TOX: variants seen among roughly 807,000 people sequenced by gnomAD.
TOX encodes the protein thymocyte selection associated high mobility group box, also known as thymocyte selection-associated high mobility group box protein TOX.
TOX carries 11 observed loss-of-function variants against 53.7 expected under a neutral mutation model. That is an observed-to-expected ratio of 0.20 (90% CI 0.13 to 0.34). The LOEUF (loss-of-function observed/expected upper bound fraction) is 0.34. Ranked by LOEUF, TOX falls within the 10% of genes least tolerant of loss-of-function variation. The pLI, the probability that TOX is intolerant of heterozygous loss-of-function variation, is 1.00. For synonymous variants in TOX, 225 were observed against 245.3 expected (o/e 0.92, Z 0.77); for missense variants, 570 against 664.6 (o/e 0.86, Z 1.56).
intron 5 of TOX, among the ~76,000 whole-genome samples, chr8:58,834,315 G>A (rs1379586008): frequency 1.3e-5 from 2 of 152,114 alleles, no homozygotes; most frequent in African/African-American, 2.4e-5. Context: ...GCCTTCCACC[G>A]GAACCAGCTG....
At chr8:59,009,104 T>C (rs950469568) in intron 1 of TOX, among the ~76,000 whole-genome samples, 1 of 151,862 alleles carries the variant, frequency 6.6e-6, no homozygotes, top group Non-Finnish European at 1.5e-5. Flanking sequence ...CCTCCCTTTC[T>C]TTCTCCATCC....
intron 1 of TOX, among the ~76,000 whole-genome samples, chr8:59,101,631 A>G (rs369978190): frequency 6.6e-6 from 1 of 152,368 alleles, no homozygotes; most frequent in East Asian, 1.9e-4. Flanking sequence ...CAAAATCTAA[A>G]ACGCTTATTT....
chr8:58,849,644 G>A (rs955154352), intron 4 of TOX, among the ~76,000 whole-genome samples: 14 of 152,142 alleles, frequency 9.2e-5, no homozygotes, highest in Admixed American at 7.9e-4. Context: ...AAATGTTATT[G>A]TAATTAGGAA....
chr8:58,883,670 G>A (rs1483263343), intron 3 of TOX, among the ~76,000 whole-genome samples: 1 of 151,404 alleles, frequency 6.6e-6, no homozygotes, highest in Non-Finnish European at 1.5e-5. Flanking sequence ...ACTTTATCTG[G>A]GTAAGTGGAC....
chr8:59,043,201 CTGTG>C (rs10660376), intron 1 of TOX, among the ~76,000 whole-genome samples: 1 of 147,902 alleles, frequency 6.8e-6, no homozygotes, highest in Non-Finnish European at 1.5e-5. Flanking sequence ...ACTTTCTTTT[CTGTG>C]TGTGTGTGTG....
chr8:58,980,888 T>C (rs1813193616), intron 1 of TOX, among the ~76,000 whole-genome samples: 1 of 152,168 alleles, frequency 6.6e-6, no homozygotes, highest in Non-Finnish European at 1.5e-5. Flanking sequence ...AGAGCATCAT[T>C]CCACTGCCAT....
At chr8:58,922,629 A>G (rs1344931018) in intron 3 of TOX, among the ~76,000 whole-genome samples, 7 of 152,208 alleles carry the variant, frequency 4.6e-5, no homozygotes, top group Non-Finnish European at 1.0e-4. Context: ...TCTCTTCTAG[A>G]TGTGTGGAAC....
In TOX at chr8:58,861,094, C is replaced by T. The variant is rs549378467; in HGVS notation, c.412-9289G>A. Among the ~76,000 whole-genome samples, 11 of 152,274 alleles carry T rather than the reference C, an allele frequency of 7.2e-5. No homozygotes were observed. In the South Asian group the frequency reaches 1.7e-3, roughly 23 times the overall value. On this transcript the variant is annotated intron_variant, in intron 3 of 8. Transcript: ENST00000361421. ...GTCAATATTACCAAGTTTGACACAC[C>T]GTGCTTCAGTGAGCCCTTGAAAGGG...
At chr8:58,955,615 C>CT (rs1812696850) in intron 2 of TOX, among the ~76,000 whole-genome samples, 3 of 151,992 alleles carry the variant, frequency 2.0e-5, no homozygotes, top group Admixed American at 2.0e-4. Context: ...ACCAGTCCTT[C>CT]TTTATCTTTT....
chr8:58,953,714 T>C (rs1480825224), intron 2 of TOX, among the ~76,000 whole-genome samples: 1 of 152,242 alleles, frequency 6.6e-6, no homozygotes, highest in Non-Finnish European at 1.5e-5. Context: ...TTTATCATTC[T>C]ATTGGGTCAA....
intron 1 of TOX, among the ~76,000 whole-genome samples, chr8:59,106,954 G>A (rs1005492647): frequency 1.2e-4 from 17 of 146,100 alleles, no homozygotes; most frequent in African/African-American, 4.1e-4. Context: ...TACAAGATAT[G>A]TAAAAAATCC....
At chr8:59,026,778 C>T (rs1379933650) in intron 1 of TOX, among the ~76,000 whole-genome samples, 2 of 151,608 alleles carry the variant, frequency 1.3e-5, no homozygotes, top group East Asian at 3.9e-4. Flanking sequence ...CAGTATTTAA[C>T]AAATGACAAT....
chr8:59,095,776 C>T (rs1186718993), intron 1 of TOX, among the ~76,000 whole-genome samples: 2 of 152,184 alleles, frequency 1.3e-5, no homozygotes, highest in Non-Finnish European at 2.9e-5. Context: ...GTTTGCATTT[C>T]TGTGGCAGTT....
Position 58,807,679 on chromosome 8 carries a change from G to A in TOX, c.*68C>T, listed in dbSNP as rs185734970. On this transcript the variant is annotated 3_prime_UTR_variant, in exon 9 of 9. Coordinates refer to ENST00000361421, the MANE Select transcript of TOX (RefSeq NM_014729.3). Reference sequence around the variant, plus strand: ...AATAAAATGGAGAACTGCCTTGACTGTACAAAGCAATCCATGGTGAAAACA... The same window carrying A: ...AATAAAATGGAGAACTGCCTTGACTATACAAAGCAATCCATGGTGAAAACA... 29 of 1,577,264 alleles carry A rather than the reference G, an allele frequency of 1.8e-5. No individual in the cohort carries two copies. In the African/African-American group the frequency reaches 2.0e-4, roughly 11 times the overall value.
intron 1 of TOX, among the ~76,000 whole-genome samples, chr8:59,091,435 T>C (rs1489415671): frequency 6.6e-6 from 1 of 152,112 alleles, no homozygotes; most frequent in Non-Finnish European, 1.5e-5. Flanking sequence ...GGTCTCTTCC[T>C]CTATTCACCC....
chr8:59,084,197 AT>A (rs1394798198), intron 1 of TOX, among the ~76,000 whole-genome samples: 1 of 152,140 alleles, frequency 6.6e-6, no homozygotes, highest in Non-Finnish European at 1.5e-5. Context: ...GCTTTCAGGT[AT>A]TTTTTACTTG....
intron 1 of TOX, among the ~76,000 whole-genome samples, chr8:58,969,694 T>C (rs1812968282): frequency 6.6e-6 from 1 of 152,220 alleles, no homozygotes; most frequent in South Asian, 2.1e-4. Context: ...AGCACTTCTA[T>C]CTCCTCTACA....
At chr8:58,986,574 C>T (rs1324184715) in intron 1 of TOX, among the ~76,000 whole-genome samples, 3 of 152,164 alleles carry the variant, frequency 2.0e-5, no homozygotes, top group Non-Finnish European at 4.4e-5. Flanking sequence ...TAAACCCAGA[C>T]ATTGAAATGT....
At chr8:59,068,504 G>A (rs565063540) in intron 1 of TOX, among the ~76,000 whole-genome samples, 2,058 of 151,596 alleles carry the variant, frequency 0.014, 38 homozygotes, top group African/African-American at 0.047. Context: ...GAATAAGGCG[G>A]AAAAAAGTAA....
Sources: allele counts gnomAD v4.1 joint callset (sites outside exome capture counted in the v4.1 genomes callset), GRCh38; gene constraint gnomAD v4.1.1; transcripts MANE v1.5; gene names NCBI Gene and HGNC (gene_info 2026-07-23, HGNC 2026-07-21).